The following ZNF780A variants were observed in gnomAD, a reference collection of about 807,000 sequenced individuals.
The protein encoded by ZNF780A is zinc finger protein 780A.
A neutral mutation model predicts 56.7 loss-of-function variants in ZNF780A; 40 were observed. The observed-to-expected ratio is 0.71, with a 90% confidence interval of 0.55 to 0.92. The LOEUF (loss-of-function observed/expected upper bound fraction) is 0.92. Among genes scored for constraint, ZNF780A ranks in the 40% least tolerant of loss-of-function variants. The pLI is 0.00. For synonymous variants in ZNF780A, 231 were observed against 248.3 expected (o/e 0.93, Z 0.66); for missense variants, 672 against 783.3 (o/e 0.86, Z 1.70).
downstream of ZNF780A, chr19:40,070,190 T>C (rs894737977): frequency 6.6e-6 from 1 of 152,168 alleles, no homozygotes; most frequent in African/African-American, 2.4e-5. Flanking sequence ...AATATATAAA[T>C]ATATAATAAA....
intron 2 of ZNF780A, among the ~76,000 whole-genome samples, chr19:40,085,682 C>G (rs1290254523): frequency 6.6e-6 from 1 of 152,006 alleles, no homozygotes; most frequent in African/African-American, 2.4e-5. Context: ...GAGATCGAGA[C>G]CAACCTGGCC....
chr19:40,072,994 A>C (rs532813585), downstream of ZNF780A: 11 of 1,538,660 alleles, frequency 7.1e-6, no homozygotes, highest in South Asian at 1.3e-4. Context: ...AAATGGAATG[A>C]TATTACAGAA....
rs1974085293 is a variant in ZNF780A, at chr19:40,075,679, C to A, written c.763G>T (p.Gly255Trp). ...TTTGAGCTACGATTAAAGGACTTCC[C>A]ACATTCCTTACATTCAAACAGTTTC... ...GEKLFECKEC[G>W]KSFNRSSNLV... The change falls in exon 6 of 6, where the codon GGG becomes TGG. Residue 255 changes from glycine to tryptophan, a missense_variant. Coordinates refer to ENST00000683561, the MANE Select transcript of ZNF780A (RefSeq NM_001142578.2). The A allele has an allele frequency of 6.2e-7, 1 of 1,613,864 alleles. No homozygotes were observed. The highest frequency in any genetic ancestry group is 1.3e-5 in the African/African-American group (1 of 74,830).
chr19:40,081,167 G>A (rs535466496), intron 5 of ZNF780A, among the ~76,000 whole-genome samples: 5 of 150,028 alleles, frequency 3.3e-5, no homozygotes, highest in Admixed American at 6.6e-5. Flanking sequence ...TTAAATGAGA[G>A]AAATTATTTG....
At chr19:40,089,290 C>A in intron 2 of ZNF780A, 1 of 1,410,846 alleles carries the variant, frequency 7.1e-7, no homozygotes, top group Non-Finnish European at 9.4e-7. Context: ...ATGATAAATA[C>A]ATACAATTAT....
intron 5 of ZNF780A, among the ~76,000 whole-genome samples, chr19:40,076,563 A>G (rs372022702): frequency 1.3e-5 from 2 of 152,364 alleles, no homozygotes; most frequent in East Asian, 1.9e-4. Flanking sequence ...TCCAGGATAC[A>G]ATCCAAATAT....
chr19:40,070,691 T>C (rs1011820671), downstream of ZNF780A: 1 of 152,226 alleles, frequency 6.6e-6, no homozygotes, highest in South Asian at 2.1e-4. Context: ...AATTTTTACA[T>C]AATTGGTTTG....
chr19:40,077,095 G>A (rs767052553), intron 5 of ZNF780A, among the ~76,000 whole-genome samples: 3 of 151,978 alleles, frequency 2.0e-5, no homozygotes, highest in Non-Finnish European at 2.9e-5. Flanking sequence ...AAGAATCAAC[G>A]TGCCTAGACA....
intron 2 of ZNF780A, among the ~76,000 whole-genome samples, chr19:40,086,433 T>A (rs1038403200): frequency 6.6e-6 from 1 of 152,198 alleles, no homozygotes; most frequent in Non-Finnish European, 1.5e-5. Context: ...AGTTCTAATA[T>A]CCTTTAGCTG....
intron 2 of ZNF780A, among the ~76,000 whole-genome samples, chr19:40,087,745 T>C (rs571882822): frequency 6.6e-5 from 10 of 152,094 alleles, no homozygotes; most frequent in Non-Finnish European, 1.2e-4. Flanking sequence ...ATCAAAACTA[T>C]CTGACTTCAA....
In ZNF780A at chr19:40,073,775, C is replaced by A. The variant is rs138828196; in HGVS notation, c.*741G>T. The A allele has an allele frequency of 6.1e-5, 60 of 986,626 alleles. No homozygotes were observed. The African/African-American group carries it at 9.8e-4, about 16-fold the overall frequency. 61.1% of individuals were successfully genotyped at this position (986,626 alleles called of 1,614,324 possible). Reference sequence around the variant, plus strand: ...ATTCTTTTATGTTCACAAGATTTCTCATCAATATGAGCTCTCTGGTGTTGA... The same window carrying A: ...ATTCTTTTATGTTCACAAGATTTCTAATCAATATGAGCTCTCTGGTGTTGA... On this transcript the variant is annotated 3_prime_UTR_variant, in exon 6 of 6. Transcript: ENST00000683561.
Position 40,074,409 on chromosome 19 carries a change from A to G in ZNF780A, c.*107T>C, listed in dbSNP as rs1973952579. 6.4e-7 allele frequency: 1 copy of G among 1,552,660 alleles called. No homozygotes were observed. Among genetic ancestry groups the G allele is most frequent in the Non-Finnish European group, 8.7e-7 (1 of 1,153,696 alleles). On this transcript the variant is annotated 3_prime_UTR_variant, in exon 6 of 6. Transcript: ENST00000683561. ...TGAATAACGTTTGAACCACAAATGAAGCCTTTCCCACACCCCTTACATTCA... is the reference window on the plus strand; with the variant it reads ...TGAATAACGTTTGAACCACAAATGAGGCCTTTCCCACACCCCTTACATTCA...
At chr19:40,078,802 T>C (rs528150480) in intron 5 of ZNF780A, among the ~76,000 whole-genome samples, 1 of 152,246 alleles carries the variant, frequency 6.6e-6, no homozygotes, top group African/African-American at 2.4e-5. Flanking sequence ...ATATCTGCCA[T>C]TGTGAAAACA....
chr19:40,081,864 C>T lies in ZNF780A; in HGVS notation c.187G>A (p.Glu63Lys). 1.9e-6 allele frequency: 3 copies of T among 1,612,896 alleles called. No homozygotes were observed. Among genetic ancestry groups the T allele is most frequent in the Non-Finnish European group, 2.5e-6 (3 of 1,179,266 alleles). Residue 63 changes from glutamate to lysine, a missense_variant, in exon 5 of 6, where the codon GAG (glutamate) becomes AAG (lysine). Glu to Lys is a moderately conservative substitution (Grantham distance 56). Transcript: ENST00000683561. Reference protein sequence around the residue: ...DVITLLEQEKEPWMVVRKETS... With the variant: ...DVITLLEQEKKPWMVVRKETS... ...TCTTTCCTTACAACCATCCAGGGCT[C>T]TTTCTCTTGCTCTAGTAACGTAATT...
At chr19:40,085,705 C>T (rs962563477) in intron 2 of ZNF780A, among the ~76,000 whole-genome samples, 13 of 151,888 alleles carry the variant, frequency 8.6e-5, no homozygotes, top group Non-Finnish European at 1.8e-4. Context: ...CATGGTGATA[C>T]CTCGTCTCTA....
At chr19:40,085,925 G>C (rs1469010449) in intron 2 of ZNF780A, among the ~76,000 whole-genome samples, 1 of 150,592 alleles carries the variant, frequency 6.6e-6, no homozygotes, top group Non-Finnish European at 1.5e-5. Flanking sequence ...AATATATATA[G>C]TTATATTCAC....
chr19:40,085,882 A>G (rs940041878), intron 2 of ZNF780A, among the ~76,000 whole-genome samples: 1 of 152,020 alleles, frequency 6.6e-6, no homozygotes, highest in Non-Finnish European at 1.5e-5. Context: ...TCATATAAAA[A>G]AAAATTGTAA....
At position 40,075,003 on chromosome 19, in the gene ZNF780A, T is replaced by C. The variant is rs767407553; in HGVS notation, c.1439A>G (p.Lys480Arg). Residue 480 changes from lysine to arginine, a missense_variant, in exon 6 of 6, where the codon AAG becomes AGG. By Grantham distance (26) the Lys-to-Arg change is conservative. Transcript: ENST00000683561. ...DKPFECQDCG[K>R]AFNRGSSLVQ... ...AAGGCTTGAGCCACGATTGAAGGCC[T>C]TCCCACAGTCTTGACATTCAAATGG... The C allele has an allele frequency of 8.7e-6, 14 of 1,614,082 alleles. No individual in the cohort carries two copies. Among genetic ancestry groups the C allele is most frequent in the Admixed American group, 3.3e-5 (2 of 60,012 alleles).
intron 5 of ZNF780A, among the ~76,000 whole-genome samples, chr19:40,078,581 A>T (rs73549810): frequency 0.08 from 12,167 of 152,260 alleles, 815 homozygotes; most frequent in East Asian, 0.17. Flanking sequence ...AACTCTCATT[A>T]GCCGAACAGC....
Sources: allele counts gnomAD v4.1 joint callset (sites outside exome capture counted in the v4.1 genomes callset), GRCh38; gene constraint gnomAD v4.1.1; transcripts MANE v1.5; gene names NCBI Gene and HGNC (gene_info 2026-07-23, HGNC 2026-07-21).